Variants in RPS6KA2 observed in about 807,000 individuals in gnomAD.
RPS6KA2 encodes the protein ribosomal protein S6 kinase alpha-2.
A neutral mutation model predicts 91.8 loss-of-function variants in RPS6KA2; 42 were observed. The observed-to-expected ratio is 0.46, with a 90% CI of 0.36 to 0.59. The LOEUF is 0.59. RPS6KA2 is among the 20% of genes least tolerant of loss of function. The pLI, the probability that RPS6KA2 is intolerant of heterozygous loss-of-function variation, is 0.00. For synonymous variants in RPS6KA2, 414 were observed against 393.6 expected, an observed-to-expected ratio of 1.05 and a Z score of -0.61; for missense variants, 798 against 978.5, an observed-to-expected ratio of 0.82 and a Z score of 2.46.
intron 2 of RPS6KA2, among the ~76,000 whole-genome samples, chr6:166,715,818 A>C (rs1223718568): frequency 6.6e-6 from 1 of 152,148 alleles, no homozygotes; most frequent in Non-Finnish European, 1.5e-5. Context: ...CAGGCGGATC[A>C]TCTGAGGTCA....
intron 2 of RPS6KA2, among the ~76,000 whole-genome samples, chr6:166,837,674 G>C (rs1780355215): frequency 6.6e-6 from 1 of 152,128 alleles, no homozygotes. Flanking sequence ...GGGGGTGGCT[G>C]TGTCTTCCAC....
chr6:166,843,048 T>G (rs1780524696), intron 2 of RPS6KA2, among the ~76,000 whole-genome samples: 1 of 152,080 alleles, frequency 6.6e-6, no homozygotes, highest in Non-Finnish European at 1.5e-5. Context: ...GGGGGCACAG[T>G]GGGAGTGAGA....
chr6:166,472,003 T>C (rs1780789772), intron 10 of RPS6KA2, among the ~76,000 whole-genome samples: 1 of 152,162 alleles, frequency 6.6e-6, no homozygotes, highest in African/African-American at 2.4e-5. Context: ...CAAACAGCCC[T>C]CCCCAAGCGC....
Position 166,538,703 on chromosome 6 carries a change from G to T in RPS6KA2, c.181C>A (p.Leu61Met). Residue 61 changes from leucine (L) to methionine (M), a missense_variant, in exon 2 of 21, where the codon CTG becomes ATG. Transcript: ENST00000265678. Reference sequence around the variant, plus strand: ...GATCCTTGTCCTAAAACCTTCAGCAGCTCAAACTGGGAAGGATCTGCCTTC... The same window carrying T: ...GATCCTTGTCCTAAAACCTTCAGCATCTCAAACTGGGAAGGATCTGCCTTC... ...FEKADPSQFE[L>M]LKVLGQGSYG... The T allele has an allele frequency of 6.2e-7, 1 of 1,610,858 alleles. No homozygotes were observed. The highest frequency in any genetic ancestry group is 1.1e-5 in the South Asian group (1 of 90,956).
intron 2 of RPS6KA2, among the ~76,000 whole-genome samples, chr6:166,720,428 C>G (rs373182249): frequency 2.0e-5 from 3 of 152,084 alleles, no homozygotes; most frequent in African/African-American, 7.2e-5. Flanking sequence ...CACAGAATAT[C>G]TGCAATGCAC....
At chr6:166,714,571 G>C (rs939348642) in intron 2 of RPS6KA2, among the ~76,000 whole-genome samples, 3 of 152,214 alleles carry the variant, frequency 2.0e-5, no homozygotes, top group Non-Finnish European at 4.4e-5. Flanking sequence ...GTCCCTAAAG[G>C]AGGAGAGACA....
chr6:166,666,937 G>A lies in RPS6KA2; in HGVS notation c.124-128153C>T, dbSNP rs1171505954. Among the ~76,000 whole-genome samples, 5 of 152,156 alleles carry A rather than the reference G, an allele frequency of 3.3e-5. No individual in the cohort carries two copies. The highest frequency in any genetic ancestry group is 2.1e-4 in the South Asian group (1 of 4,822). ...GCACACAATGGAAGGAAATGACGACGCACGTTGCAATGTGGATGAACCTGG... is the reference window on the plus strand; with the variant it reads ...GCACACAATGGAAGGAAATGACGACACACGTTGCAATGTGGATGAACCTGG... On this transcript the variant is annotated intron_variant, in intron 2 of 21. Transcript: ENST00000503859. The surrounding 1 kb of genome is among the most constrained non-coding windows in gnomAD (Gnocchi z 4.0).
intron 2 of RPS6KA2, among the ~76,000 whole-genome samples, chr6:166,761,493 C>T (rs1778169812): frequency 6.6e-6 from 1 of 152,210 alleles, no homozygotes; most frequent in African/African-American, 2.4e-5. Flanking sequence ...GCTTTAAAAG[C>T]ATTGCTATTG....
At chr6:166,777,686 T>C (rs554065240) in intron 2 of RPS6KA2, among the ~76,000 whole-genome samples, 63 of 152,370 alleles carry the variant, frequency 4.1e-4, no homozygotes, top group African/African-American at 1.5e-3. Context: ...TCACAGATAG[T>C]ATAAATCTCT....
chr6:166,757,709 C>T, intron 2 of RPS6KA2: 3 of 403,162 alleles, frequency 7.4e-6, no homozygotes, highest in South Asian at 5.4e-5. Flanking sequence ...ACCCCGCACA[C>T]CTCCTCTTCC....
At chr6:166,806,024 A>T (rs781101058) in intron 2 of RPS6KA2, among the ~76,000 whole-genome samples, 6 of 152,228 alleles carry the variant, frequency 3.9e-5, no homozygotes, top group Non-Finnish European at 8.8e-5. Flanking sequence ...AGGCAGAAAA[A>T]AGAATCCACA....
rs1778446738 is a variant in RPS6KA2 at position 166,770,854 on chromosome 6, G to A, written c.123+87346C>T. ...TGGAAAAAAACAAACCCACAGGAAC[G>A]CTTCTTACCTCTACGGATCCAGCTA... On this transcript the variant is annotated intron_variant, in intron 2 of 21. Coordinates refer to the RPS6KA2 transcript ENST00000503859. The surrounding 1 kb of genome is among the most constrained non-coding windows in gnomAD (Gnocchi z 5.1). The A allele has an allele frequency of 3.2e-6, 5 of 1,585,828 alleles. No individual in the cohort carries two copies. Among genetic ancestry groups the A allele is most frequent in the Non-Finnish European group, 8.5e-7 (1 of 1,176,616 alleles).
At chr6:166,689,661 G>C (rs1789142810) in intron 2 of RPS6KA2, among the ~76,000 whole-genome samples, 1 of 152,182 alleles carries the variant, frequency 6.6e-6, no homozygotes, top group Non-Finnish European at 1.5e-5. Context: ...GGGAGACTGA[G>C]TGCAGGCATC....
chr6:166,625,331 A>C (rs6938310), intron 1 of RPS6KA2, among the ~76,000 whole-genome samples: 10,681 of 52,156 alleles, frequency 0.2, 119 homozygotes, highest in Non-Finnish European at 0.23. Flanking sequence ...CCACCCCCCC[A>C]CCCCCCCCCC....
At chr6:166,564,043 T>C (rs1423089095) in intron 1 of RPS6KA2, among the ~76,000 whole-genome samples, 2 of 152,188 alleles carry the variant, frequency 1.3e-5, no homozygotes, top group Non-Finnish European at 2.9e-5. Context: ...TTTGCAGAAA[T>C]ACTGGACAAC....
chr6:166,739,736 A>G (rs1790760249), intron 2 of RPS6KA2, among the ~76,000 whole-genome samples: 2 of 152,222 alleles, frequency 1.3e-5, no homozygotes, highest in Admixed American at 1.3e-4. Context: ...TGGGAGAGAC[A>G]TCTCCACGTA....
intron 10 of RPS6KA2, chr6:166,475,848 T>C (rs750437379): frequency 7.6e-6 from 4 of 529,640 alleles, no homozygotes; most frequent in African/African-American, 3.9e-5. Flanking sequence ...ACCTGCAGAG[T>C]GTAAGAGAGG....
chr6:166,711,816 C>A (rs1313601854), intron 2 of RPS6KA2, among the ~76,000 whole-genome samples: 2 of 151,456 alleles, frequency 1.3e-5, no homozygotes, highest in Non-Finnish European at 2.9e-5. Flanking sequence ...GAGGAGAAAT[C>A]CATGAAACTG....
At chr6:166,837,474 A>G (rs1780349606) in intron 2 of RPS6KA2, among the ~76,000 whole-genome samples, 1 of 152,198 alleles carries the variant, frequency 6.6e-6, no homozygotes, top group South Asian at 2.1e-4. Flanking sequence ...CACAAGAGGG[A>G]AAAGGCGACC....
Sources: gnomAD v4.1 joint callset for allele counts (sites outside exome capture counted in the v4.1 genomes callset) on GRCh38, gnomAD v4.1.1 for gene constraint, Gnocchi (gnomAD v3.1) non-coding constraint, MANE v1.5 for transcripts, NCBI Gene and HGNC (gene_info 2026-07-23, HGNC 2026-07-21) for gene names.